SEC14L1: variants seen among roughly 807,000 people sequenced by gnomAD.
SEC14L1 encodes the protein SEC14-like protein 1.
Under a neutral mutation model 85.3 loss-of-function variants are expected in SEC14L1, and 48 were observed. That is an observed-to-expected ratio of 0.56 (90% CI 0.45 to 0.72). The LOEUF (loss-of-function observed/expected upper bound fraction) is 0.72. Ranked by LOEUF, SEC14L1 falls within the 30% of genes least tolerant of loss-of-function variation. SEC14L1 has a pLI of 0.00. For missense variants in SEC14L1, 682 were observed against 921.4 expected (o/e 0.74, Z 3.36); for synonymous variants, 391 against 355.5 (o/e 1.10, Z -1.12).
intron 3 of SEC14L1, among the ~76,000 whole-genome samples, chr17:77,175,222 GC>G (rs1275578760): frequency 1.3e-5 from 2 of 152,306 alleles, no homozygotes; most frequent in Admixed American, 6.5e-5. Context: ...TAGTATTGTT[GC>G]AGGATTCAGG....
intron 3 of SEC14L1, chr17:77,185,086 A>G (rs1025601000): frequency 2.5e-6 from 1 of 404,308 alleles, no homozygotes; most frequent in Non-Finnish European, 3.3e-6. Flanking sequence ...AAAAGGCAGG[A>G]CTTATCTTTT....
At chr17:77,125,248 C>A (rs1031375531) in intron 3 of SEC14L1, among the ~76,000 whole-genome samples, 1 of 151,982 alleles carries the variant, frequency 6.6e-6, no homozygotes, top group Admixed American at 6.6e-5. Flanking sequence ...CTGCCCGCCT[C>A]GGCCTCCCAA....
At chr17:77,108,678 G>A (rs1971974584) in intron 3 of SEC14L1, among the ~76,000 whole-genome samples, 3 of 150,786 alleles carry the variant, frequency 2.0e-5, no homozygotes, top group Admixed American at 6.6e-5. Context: ...GGCGGAAGTT[G>A]CAGTGAGCCA....
At chr17:77,194,036 C>G (rs1455414849) in intron 6 of SEC14L1, among the ~76,000 whole-genome samples, 1 of 152,114 alleles carries the variant, frequency 6.6e-6, no homozygotes, top group Non-Finnish European at 1.5e-5. Flanking sequence ...GGCTCATTTT[C>G]AGGGTACTGT....
intron 3 of SEC14L1, among the ~76,000 whole-genome samples, chr17:77,111,191 GAAAAAAAAA>G (rs57425211): frequency 9.9e-6 from 1 of 101,116 alleles, no homozygotes; most frequent in Non-Finnish European, 2.0e-5. Flanking sequence ...GTCTCAAAAA[GAAAAAAAAA>G]AAAAAAAAAT....
In SEC14L1 at chr17:77,206,922, G is replaced by A; in HGVS notation, c.1476+60G>A. 1.4e-6 allele frequency: 2 copies of A among 1,425,294 alleles called. No homozygotes were observed. The highest frequency in any genetic ancestry group is 3.3e-5 in the South Asian group (2 of 61,468). The allele number at this position is 1,425,294 out of a possible 1,614,324, so 88.3% of individuals were successfully genotyped here. A position where few individuals can be genotyped will look rare whatever the true frequency, so the allele number is the denominator to read the frequency against. On this transcript the variant is annotated intron_variant, in intron 13 of 16. Transcript: ENST00000436233. The surrounding 1 kb of genome is among the most constrained non-coding windows in gnomAD (Gnocchi z 4.3). ...CCTTATGCAGGTGGGAGAGGTCGGTGTCGATTTGCACAAATGATTTTCAGA... is the reference window on the plus strand; with the variant it reads ...CCTTATGCAGGTGGGAGAGGTCGGTATCGATTTGCACAAATGATTTTCAGA...
chr17:77,200,297 T>G (rs2143105771), intron 8 of SEC14L1, among the ~76,000 whole-genome samples, 187 bp from the exon 9 acceptor site: 2 of 152,028 alleles, frequency 1.3e-5, no homozygotes, highest in East Asian at 3.9e-4. Flanking sequence ...AGCCTCCGAG[T>G]AGCTGGGATT....
Position 77,212,120 on chromosome 17 carries a change from C to G in SEC14L1, c.1782C>G (p.Leu594=), listed in dbSNP as rs1247457820. The change falls in exon 15 of 17, where the codon CTC becomes CTG. Residue 594 remains leucine, a synonymous_variant. Transcript: ENST00000436233. ...CTCCGGGTGGGAACAATGTGCAGCTCATAGACAAAGTCTGGCAGCTGGGCC... is the reference window on the plus strand; with the variant it reads ...CTCCGGGTGGGAACAATGTGCAGCTGATAGACAAAGTCTGGCAGCTGGGCC... ...ITSPGGNNVQ[L]IDKVWQLGRD... The G allele has an allele frequency of 2.5e-6, 4 of 1,614,038 alleles. No homozygotes were observed. The highest frequency in any genetic ancestry group is 3.4e-6 in the Non-Finnish European group (4 of 1,180,054).
chr17:77,201,707 CA>C (rs1567929813), intron 9 of SEC14L1, among the ~76,000 whole-genome samples: 1 of 152,122 alleles, frequency 6.6e-6, no homozygotes, highest in Non-Finnish European at 1.5e-5. Flanking sequence ...CCTTGGCCTC[CA>C]AAAGTGCAGG....
At chr17:77,153,748 C>T (rs967038592) in intron 3 of SEC14L1, among the ~76,000 whole-genome samples, 2 of 152,038 alleles carry the variant, frequency 1.3e-5, no homozygotes, top group Admixed American at 1.3e-4. Context: ...CTTCTGTTGT[C>T]TCTTTTATTA....
At chr17:77,100,031 C>T (rs575202060) in intron 3 of SEC14L1, among the ~76,000 whole-genome samples, 8 of 152,346 alleles carry the variant, frequency 5.3e-5, no homozygotes, top group African/African-American at 1.9e-4. Context: ...AGGCTTCTAA[C>T]ACTAGGCTAA....
chr17:77,143,716 T>C, intron 3 of SEC14L1, 57 bp downstream of exon 3: 2 of 1,230,214 alleles, frequency 1.6e-6, no homozygotes, highest in South Asian at 2.5e-5. Flanking sequence ...AGTACAGTGT[T>C]AGAATTTGAT....
chr17:77,213,238 G>A lies in SEC14L1; in HGVS notation c.1864-76G>A, dbSNP rs988057948. On this transcript the variant is annotated intron_variant, in intron 15 of 16. Coordinates refer to ENST00000436233, the MANE Select transcript of SEC14L1 (RefSeq NM_001143998.2). The surrounding 1 kb of genome is among the most constrained non-coding windows in gnomAD (Gnocchi z 7.1). ...ATGAAATCCTAAAGACAGTCCCCTT[G>A]GCGCTTGTCAGGCCTGTGGTAGGCC... The A allele has an allele frequency of 1.6e-6, 2 of 1,271,294 alleles. No homozygotes were observed. Among genetic ancestry groups the A allele is most frequent in the African/African-American group, 1.5e-5 (1 of 67,152 alleles). 78.8% of individuals were successfully genotyped at this position (1,271,294 alleles called of 1,614,324 possible).
At chr17:77,155,892 C>G in intron 3 of SEC14L1, among the ~76,000 whole-genome samples, 1 of 152,136 alleles carries the variant, frequency 6.6e-6, no homozygotes, top group Non-Finnish European at 1.5e-5. Flanking sequence ...CGTACCTCAT[C>G]TTTAAGATGA....
intron 13 of SEC14L1, among the ~76,000 whole-genome samples, chr17:77,207,486 C>T (rs896386442): frequency 6.6e-6 from 1 of 151,952 alleles, no homozygotes; most frequent in Non-Finnish European, 1.5e-5. Context: ...GAGTCTTGCT[C>T]TGTTGCACAG....
chr17:77,107,478 T>C (rs1258916245), intron 3 of SEC14L1, among the ~76,000 whole-genome samples: 1 of 152,132 alleles, frequency 6.6e-6, no homozygotes, highest in African/African-American at 2.4e-5. Context: ...AAAAAATCTA[T>C]TATATATTTC....
At chr17:77,130,713 G>A (rs977897993) in intron 3 of SEC14L1, among the ~76,000 whole-genome samples, 3 of 152,050 alleles carry the variant, frequency 2.0e-5, no homozygotes, top group Non-Finnish European at 4.4e-5. Context: ...TCCCTCTCCC[G>A]GGGTCAAGTG....
chr17:77,208,010 G>C (rs1483712915), intron 13 of SEC14L1, among the ~76,000 whole-genome samples: 1 of 152,164 alleles, frequency 6.6e-6, no homozygotes, highest in Non-Finnish European at 1.5e-5. Flanking sequence ...GCTGAACTCA[G>C]CAGGGAGTGA....
chr17:77,125,150 G>A (rs927048350), intron 3 of SEC14L1, among the ~76,000 whole-genome samples: 2 of 151,378 alleles, frequency 1.3e-5, no homozygotes, highest in African/African-American at 2.4e-5. Flanking sequence ...GACTACAGGC[G>A]CCCGCCCGGC....
Sources: gnomAD v4.1 joint callset for allele counts (sites outside exome capture counted in the v4.1 genomes callset) on GRCh38, gnomAD v4.1.1 for gene constraint, Gnocchi (gnomAD v3.1) non-coding constraint, MANE v1.5 for transcripts, NCBI Gene and HGNC (gene_info 2026-07-23, HGNC 2026-07-21) for gene names.